The following LRRC4C variants were observed in gnomAD, a reference collection of about 807,000 sequenced individuals.
LRRC4C encodes leucine-rich repeat-containing protein 4C.
In LRRC4C, 5 loss-of-function variants were observed where a neutral mutation model predicts 33.6. The ratio of observed to expected loss-of-function variants is 0.15; its 90% CI spans 0.08 to 0.31. The LOEUF is 0.31. Among genes scored for constraint, LRRC4C ranks in the 10% least tolerant of loss-of-function variants. The pLI, the probability that LRRC4C is intolerant of heterozygous loss-of-function variation, is 1.00. For synonymous variants in LRRC4C, 329 were observed against 302.0 expected, an observed-to-expected ratio of 1.09 and a Z score of -0.93; for missense variants, 560 against 796.7, an observed-to-expected ratio of 0.70 and a Z score of 3.58.
At chr11:41,067,561 G>A (rs991556640) in intron 1 of LRRC4C, among the ~76,000 whole-genome samples, 6 of 152,138 alleles carry the variant, frequency 3.9e-5, no homozygotes, top group Admixed American at 3.3e-4. Context: ...GGATCAAGTG[G>A]ACCTAATAGA....
At chr11:41,306,739 G>A (rs1000219427) in intron 1 of LRRC4C, among the ~76,000 whole-genome samples, 1 of 152,198 alleles carries the variant, frequency 6.6e-6, no homozygotes, top group Admixed American at 6.5e-5. Flanking sequence ...TTTGAACAAA[G>A]TTACTTAAGA....
intron 6 of LRRC4C, among the ~76,000 whole-genome samples, chr11:40,137,052 AAGTT>A (rs1248246636): frequency 2.0e-5 from 3 of 152,224 alleles, no homozygotes; most frequent in Non-Finnish European, 4.4e-5. Context: ...ACAACAAAAA[AAGTT>A]AGAGCTATCA....
chr11:40,638,787 T>TA (rs1475237897), intron 3 of LRRC4C, among the ~76,000 whole-genome samples: 1 of 149,266 alleles, frequency 6.7e-6, no homozygotes, highest in Non-Finnish European at 1.5e-5. Context: ...TTTTTTTTTT[T>TA]AATTATTTGA....
chr11:41,245,297 G>T (rs938163046), intron 1 of LRRC4C, among the ~76,000 whole-genome samples: 5 of 152,168 alleles, frequency 3.3e-5, no homozygotes, highest in African/African-American at 1.2e-4. Context: ...GCTGCACGCA[G>T]TTCATGTCAC....
At chr11:40,737,186 C>T (rs974449311) in intron 2 of LRRC4C, among the ~76,000 whole-genome samples, 8 of 152,066 alleles carry the variant, frequency 5.3e-5, no homozygotes, top group Non-Finnish European at 1.5e-5. Context: ...ATGCTAACAA[C>T]TCTCAATAAA....
chr11:41,459,230 G>A (rs1956262340), intron 1 of LRRC4C, among the ~76,000 whole-genome samples: 2 of 152,150 alleles, frequency 1.3e-5, no homozygotes, highest in Non-Finnish European at 2.9e-5. Flanking sequence ...ATGGTAAGAG[G>A]AATGGGGGGA....
chr11:41,233,300 C>T (rs1396447273), intron 1 of LRRC4C, among the ~76,000 whole-genome samples: 1 of 151,906 alleles, frequency 6.6e-6, no homozygotes, highest in Non-Finnish European at 1.5e-5. Context: ...AGAAAGACAA[C>T]ATGGAATGTT....
intron 3 of LRRC4C, among the ~76,000 whole-genome samples, chr11:40,372,480 C>T (rs1049288574): frequency 2.6e-5 from 4 of 152,172 alleles, no homozygotes; most frequent in Non-Finnish European, 5.9e-5. Flanking sequence ...TAGGTTGAAC[C>T]TATTCAGATA....
chr11:41,180,274 T>C (rs1357411165), intron 1 of LRRC4C, among the ~76,000 whole-genome samples: 1 of 152,162 alleles, frequency 6.6e-6, no homozygotes, highest in Non-Finnish European at 1.5e-5. Flanking sequence ...CAGTAATTGC[T>C]GAGTAACTTG....
At chr11:40,402,794 A>G (rs1234941418) in intron 3 of LRRC4C, among the ~76,000 whole-genome samples, 2 of 152,128 alleles carry the variant, frequency 1.3e-5, no homozygotes, top group Non-Finnish European at 2.9e-5. Context: ...TTTCATCCTC[A>G]TGAAATCCTT....
intron 3 of LRRC4C, among the ~76,000 whole-genome samples, chr11:40,489,467 C>T (rs1954036564): frequency 6.6e-6 from 1 of 152,022 alleles, no homozygotes; most frequent in Non-Finnish European, 1.5e-5. Context: ...TCATGTAATC[C>T]CACATGACTC....
intron 1 of LRRC4C, among the ~76,000 whole-genome samples, chr11:41,401,439 A>G (rs1400186697): frequency 2.7e-5 from 4 of 150,436 alleles, no homozygotes; most frequent in Non-Finnish European, 4.5e-5. Context: ...TGGTGCATTT[A>G]CTCTTCTGAA....
intron 3 of LRRC4C, among the ~76,000 whole-genome samples, chr11:40,596,800 A>G (rs1959369268): frequency 6.6e-6 from 1 of 152,194 alleles, no homozygotes; most frequent in Non-Finnish European, 1.5e-5. Context: ...TTCATTTTAT[A>G]TATTGCAGAG....
intron 3 of LRRC4C, among the ~76,000 whole-genome samples, chr11:40,344,122 G>A (rs1565294687): frequency 1.3e-5 from 2 of 151,868 alleles, no homozygotes. Context: ...AGAAATTGAG[G>A]AGAAGGTACT....
At chr11:40,310,024 C>T (rs1315769939) in intron 4 of LRRC4C, among the ~76,000 whole-genome samples, 1 of 152,108 alleles carries the variant, frequency 6.6e-6, no homozygotes, top group Non-Finnish European at 1.5e-5. Flanking sequence ...GAAGAAAGTA[C>T]TGCCTTCTTA....
At chr11:40,669,432 G>C (rs1943973912) in intron 2 of LRRC4C, among the ~76,000 whole-genome samples, 1 of 152,164 alleles carries the variant, frequency 6.6e-6, no homozygotes, top group Non-Finnish European at 1.5e-5. Context: ...CTGGCTTCGG[G>C]AACCCATAGA....
chr11:40,946,003 C>T (rs1958380787), intron 1 of LRRC4C, among the ~76,000 whole-genome samples: 1 of 152,186 alleles, frequency 6.6e-6, no homozygotes, highest in African/African-American at 2.4e-5. Flanking sequence ...TTGCATAATG[C>T]TGAGGTTTGG....
At chr11:41,143,647 C>T (rs891481257) in intron 1 of LRRC4C, among the ~76,000 whole-genome samples, 15 of 152,268 alleles carry the variant, frequency 9.9e-5, no homozygotes, top group Admixed American at 3.9e-4. Flanking sequence ...CAATGGTTCT[C>T]GATCCTAGCT....
chr11:40,388,463 A>G (rs1234617855), intron 3 of LRRC4C, among the ~76,000 whole-genome samples: 1 of 152,144 alleles, frequency 6.6e-6, no homozygotes, highest in African/African-American at 2.4e-5. Context: ...TTTTGAAGAC[A>G]TTCTTCCTGA....
Sources: allele counts gnomAD v4.1 joint callset (sites outside exome capture counted in the v4.1 genomes callset), GRCh38; gene constraint gnomAD v4.1.1; transcripts MANE v1.5; gene names NCBI Gene and HGNC (gene_info 2026-07-23, HGNC 2026-07-21).